The following MAP2K1 variants were observed in gnomAD, a reference collection of about 807,000 sequenced individuals.
The protein encoded by MAP2K1 is mitogen-activated protein kinase kinase 1.
Under a neutral mutation model 46.3 loss-of-function variants are expected in MAP2K1, and 16 were observed. That is an observed-to-expected ratio of 0.35 (90% confidence interval 0.23 to 0.52). The LOEUF (loss-of-function observed/expected upper bound fraction) is 0.52. MAP2K1 is among the 20% of genes least tolerant of loss of function. The pLI is 0.94. For missense variants in MAP2K1, 263 were observed against 497.1 expected, an observed-to-expected ratio of 0.53 and a Z score of 4.48; for synonymous variants, 183 against 185.6, an observed-to-expected ratio of 0.99 and a Z score of 0.11.
At position 66,387,395 on chromosome 15, in the gene MAP2K1, C is replaced by T. The variant is rs1330053912; in HGVS notation, c.48C>T (p.Asp16=). The T allele has an allele frequency of 6.4e-7, 1 of 1,565,526 alleles. No homozygotes were observed. Among genetic ancestry groups the T allele is most frequent in the Non-Finnish European group, 8.7e-7 (1 of 1,154,340 alleles). Reference sequence around the variant, plus strand: ...CCATCCAGCTGAACCCGGCCCCCGACGGCTCTGCAGTTAACGGGACCAGCT... The same window carrying T: ...CCATCCAGCTGAACCCGGCCCCCGATGGCTCTGCAGTTAACGGGACCAGCT... ...PTPIQLNPAP[D]GSAVNGTSSA... is the part of the protein sequence containing the mutation. The change falls in exon 1 of 11, where the codon GAC becomes GAT. Residue 16 remains aspartate, a synonymous_variant. Transcript: ENST00000307102.
At chr15:66,407,304 A>G (rs916822809) in intron 1 of MAP2K1, among the ~76,000 whole-genome samples, 1 of 151,906 alleles carries the variant, frequency 6.6e-6, no homozygotes, top group Admixed American at 6.5e-5. Flanking sequence ...CCTATTTTGA[A>G]TATTTCTGCC....
At chr15:66,420,883 G>GTGTGTATATA (rs1567003303) in intron 1 of MAP2K1, among the ~76,000 whole-genome samples, 1 of 117,516 alleles carries the variant, frequency 8.5e-6, no homozygotes, top group African/African-American at 3.0e-5. Flanking sequence ...GTATATATAT[G>GTGTGTATATA]TGTATATATA....
intron 1 of MAP2K1, among the ~76,000 whole-genome samples, chr15:66,398,291 G>C (rs570163479): frequency 1.7e-4 from 26 of 151,744 alleles, no homozygotes; most frequent in Admixed American, 1.4e-3. Flanking sequence ...TGGTGCGTGC[G>C]TGTAGTCCCT....
rs192266002 is a variant in MAP2K1 at position 66,462,427 on chromosome 15, G to A, written c.568+17720G>A. Reference sequence around the variant, plus strand: ...AGACAGAATTGCTTGAACCCGGGAGGCGGAGGTTGCAGTGAGCCGAGATCG... The same window carrying A: ...AGACAGAATTGCTTGAACCCGGGAGACGGAGGTTGCAGTGAGCCGAGATCG... On this transcript the variant is annotated intron_variant, in intron 5 of 10. Coordinates refer to ENST00000307102, the MANE Select transcript of MAP2K1 (RefSeq NM_002755.4). Among the ~76,000 whole-genome samples the A allele has an allele frequency of 2.1e-3, 313 of 150,866 alleles. 1 individual carries two copies. Among genetic ancestry groups the A allele is most frequent in the African/African-American group, 7.2e-3 (296 of 40,892 alleles).
chr15:66,401,824 A>T (rs1171271782), intron 1 of MAP2K1: 12 of 537,732 alleles, frequency 2.2e-5, no homozygotes, highest in Non-Finnish European at 4.3e-5. Flanking sequence ...GGGGCGTGGC[A>T]GGAAGAGAGC....
intron 1 of MAP2K1, among the ~76,000 whole-genome samples, chr15:66,424,485 C>A (rs1331141754): frequency 6.6e-6 from 1 of 152,196 alleles, no homozygotes; most frequent in East Asian, 1.9e-4. Context: ...AGGCTGTTAG[C>A]CAGATTTGAG....
intron 5 of MAP2K1, among the ~76,000 whole-genome samples, chr15:66,454,039 A>G (rs1379660166): frequency 2.0e-5 from 3 of 152,150 alleles, no homozygotes; most frequent in Non-Finnish European, 4.4e-5. Flanking sequence ...TTATTACCTT[A>G]CACAGTTTAT....
intron 5 of MAP2K1, among the ~76,000 whole-genome samples, chr15:66,470,903 G>C (rs1329674920): frequency 6.6e-6 from 1 of 152,184 alleles, no homozygotes; most frequent in African/African-American, 2.4e-5. Flanking sequence ...ATACATTTTA[G>C]GGAGACATGA....
intron 3 of MAP2K1, among the ~76,000 whole-genome samples, chr15:66,440,158 C>T (rs2093499922): frequency 6.6e-6 from 1 of 152,140 alleles, no homozygotes; most frequent in South Asian, 2.1e-4. Context: ...GTGGTGCAAT[C>T]TCAGCTCACT....
At chr15:66,421,628 C>G (rs1342329971) in intron 1 of MAP2K1, among the ~76,000 whole-genome samples, 3 of 151,576 alleles carry the variant, frequency 2.0e-5, no homozygotes, top group Non-Finnish European at 2.9e-5. Flanking sequence ...TGGTGAAATC[C>G]TGTCTCTACT....
In MAP2K1 at chr15:66,387,316, C is replaced by A; in HGVS notation, c.-32C>A. 1 of 1,538,058 alleles carries A rather than the reference C, an allele frequency of 6.5e-7. No individual in the cohort carries two copies. Among genetic ancestry groups the A allele is most frequent in the Non-Finnish European group, 8.8e-7 (1 of 1,134,584 alleles). Reference sequence around the variant, plus strand: ...GGAAGCGAGAGGTGCTGCCCTCCCCCCGGAGTTGGAAGCGCGTTACCCGGG... The same window carrying A: ...GGAAGCGAGAGGTGCTGCCCTCCCCACGGAGTTGGAAGCGCGTTACCCGGG... On this transcript the variant is annotated 5_prime_UTR_variant, in exon 1 of 11. Coordinates refer to ENST00000307102, the MANE Select transcript of MAP2K1 (RefSeq NM_002755.4).
intron 5 of MAP2K1, among the ~76,000 whole-genome samples, chr15:66,449,025 A>AC (rs1379778111): frequency 6.6e-6 from 1 of 150,996 alleles, no homozygotes; most frequent in Non-Finnish European, 1.5e-5. Context: ...AAAAAAAAAA[A>AC]AAACAACAAC....
chr15:66,466,660 A>G (rs950799180), intron 5 of MAP2K1, among the ~76,000 whole-genome samples: 1 of 152,228 alleles, frequency 6.6e-6, no homozygotes, highest in Non-Finnish European at 1.5e-5. Context: ...AGCCTGGGCA[A>G]CAGAGCGAGA....
chr15:66,392,255 GTTTTTTTT>G (rs58831070), intron 1 of MAP2K1, among the ~76,000 whole-genome samples: 11 of 97,758 alleles, frequency 1.1e-4, no homozygotes, highest in African/African-American at 4.5e-4. Flanking sequence ...TTTTTTTTGG[GTTTTTTTT>G]TTTTTTTTTT....
At chr15:66,478,614 T>C (rs1200482970) in intron 5 of MAP2K1, among the ~76,000 whole-genome samples, 1 of 151,560 alleles carries the variant, frequency 6.6e-6, no homozygotes, top group Non-Finnish European at 1.5e-5. Flanking sequence ...TTCTCCTGCC[T>C]CAGCCTCCCT....
intron 3 of MAP2K1, among the ~76,000 whole-genome samples, chr15:66,441,940 A>G (rs942149138): frequency 1.3e-5 from 2 of 152,144 alleles, no homozygotes; most frequent in Non-Finnish European, 2.9e-5. Flanking sequence ...CCATAGGGGA[A>G]CTTAACCTAT....
intron 5 of MAP2K1, among the ~76,000 whole-genome samples, chr15:66,478,422 G>GTGTGTA: frequency 8.4e-6 from 1 of 119,234 alleles, no homozygotes; most frequent in African/African-American, 2.9e-5. Flanking sequence ...ATACACACAG[G>GTGTGTA]TATATATATA....
At chr15:66,411,441 G>C (rs1448886045) in intron 1 of MAP2K1, among the ~76,000 whole-genome samples, 1 of 152,168 alleles carries the variant, frequency 6.6e-6, no homozygotes, top group Non-Finnish European at 1.5e-5. Flanking sequence ...TGGAAGAAAA[G>C]GAAGTAGGTG....
At chr15:66,425,227 G>A (rs1368586077) in intron 1 of MAP2K1, among the ~76,000 whole-genome samples, 1 of 152,168 alleles carries the variant, frequency 6.6e-6, no homozygotes, top group East Asian at 1.9e-4. Context: ...GCAGGAGAAA[G>A]TTTTGTATAC....
Sources: allele counts gnomAD v4.1 joint callset (sites outside exome capture counted in the v4.1 genomes callset), GRCh38; gene constraint gnomAD v4.1.1; transcripts MANE v1.5; gene names NCBI Gene and HGNC (gene_info 2026-07-23, HGNC 2026-07-21).